Variants in CARD8 observed in about 807,000 individuals in gnomAD.
CARD8 encodes the protein caspase recruitment domain family member 8.
Under a neutral mutation model 53.2 loss-of-function variants are expected in CARD8, and 38 were observed. The observed-to-expected ratio is 0.71, with a 90% confidence interval of 0.55 to 0.94. The LOEUF (loss-of-function observed/expected upper bound fraction) is 0.94. CARD8 is among the 40% of genes least tolerant of loss of function. The pLI is 0.00. For missense variants in CARD8, 561 were observed against 655.5 expected (o/e 0.86, Z 1.57); for synonymous variants, 245 against 244.9 (o/e 1.00, Z 0.00).
intron 5 of CARD8, among the ~76,000 whole-genome samples, chr19:48,237,008 T>A (rs1232811700): frequency 6.6e-6 from 1 of 152,082 alleles, no homozygotes; most frequent in Non-Finnish European, 1.5e-5. Flanking sequence ...ACTCCCGACA[T>A]CAGGTGGTCC....
In CARD8 at chr19:48,209,404, T is replaced by G. The variant is rs927068164; in HGVS notation, c.*2306A>C. On this transcript the variant is annotated 3_prime_UTR_variant, in exon 14 of 14. Transcript: ENST00000651546. ...AACAAAATGGAAATTTTAGAACTGA[T>G]ACATACAGTGACCAAAATTTAAAAG... 2 of 152,096 alleles carry G rather than the reference T, an allele frequency of 1.3e-5. No individual in the cohort carries two copies. Among genetic ancestry groups the G allele is most frequent in the African/African-American group, 4.8e-5 (2 of 41,422 alleles). The allele number at this position is 152,096 out of a possible 1,614,324, so 9.4% of individuals were successfully genotyped here.
chr19:48,224,953 C>T (rs1568732705), intron 10 of CARD8, among the ~76,000 whole-genome samples: 1 of 151,576 alleles, frequency 6.6e-6, no homozygotes, highest in Non-Finnish European at 1.5e-5. Context: ...CGGGGTTTCA[C>T]CGTGTTAGCC....
intron 12 of CARD8, 104 bp downstream of exon 12, chr19:48,218,767 T>G (rs2039899591): frequency 7.9e-7 from 1 of 1,271,090 alleles, no homozygotes; most frequent in African/African-American, 1.5e-5. Flanking sequence ...ATTTCTTTTC[T>G]TCTCTGGGAA....
At chr19:48,243,591 T>A (rs1050732716) in intron 3 of CARD8, among the ~76,000 whole-genome samples, 31 of 152,356 alleles carry the variant, frequency 2.0e-4, no homozygotes, top group African/African-American at 7.5e-4. Flanking sequence ...TAACGAACAC[T>A]TTTCTTTTAC....
At chr19:48,230,729 C>G in intron 9 of CARD8, 29 bp from the exon 10 acceptor site, 2 of 1,612,684 alleles carry the variant, frequency 1.2e-6, no homozygotes, top group Non-Finnish European at 1.7e-6. Context: ...AGCAGTGAGA[C>G]GGCACGCACC....
At chr19:48,230,059 G>C (rs2042548948) in intron 10 of CARD8, among the ~76,000 whole-genome samples, 1 of 152,150 alleles carries the variant, frequency 6.6e-6, no homozygotes, top group South Asian at 2.1e-4. Context: ...GTTGCAGTGA[G>C]CCAAGATTGC....
chr19:48,232,618 T>G (rs1333169632), intron 6 of CARD8, 125 bp from the exon 7 acceptor site: 1 of 813,910 alleles, frequency 1.2e-6, no homozygotes, highest in Non-Finnish European at 2.0e-6. Flanking sequence ...TACCCGGATA[T>G]GCTATTTAAA....
In CARD8 at chr19:48,232,372, A is replaced by C; in HGVS notation, c.391+81T>G. 4 of 1,319,208 alleles carry C rather than the reference A, an allele frequency of 3.0e-6. No individual in the cohort carries two copies. The South Asian group carries it at 5.0e-5, about 17-fold the overall frequency. The allele number at this position is 1,319,208 out of a possible 1,614,324, so 81.7% of individuals were successfully genotyped here. ...ACTCCTGATCTGCACAAAAGACTCTAAATTGTCTTCTTCACATAAAATCAC... is the reference window on the plus strand; with the variant it reads ...ACTCCTGATCTGCACAAAAGACTCTCAATTGTCTTCTTCACATAAAATCAC... On this transcript the variant is annotated intron_variant, in intron 7 of 13. Transcript: ENST00000651546.
At chr19:48,206,799 G>T (rs914960507), downstream of CARD8, among the ~76,000 whole-genome samples, 1 of 151,966 alleles carries the variant, frequency 6.6e-6, no homozygotes, top group Admixed American at 6.6e-5. Context: ...TCAATTCTTT[G>T]TTCCACACAC....
Position 48,209,279 on chromosome 19 carries a change from G to A in CARD8, c.*2431C>T, listed in dbSNP as rs1401682441. On this transcript the variant is annotated 3_prime_UTR_variant, in exon 14 of 14. Transcript: ENST00000651546. ...CCACTGCACTCCAGCCTGGGTAACA[G>A]AGTTGAGACCCTGTCTTGAAAAAAA... 1 of 151,634 alleles carries A rather than the reference G, an allele frequency of 6.6e-6. No individual in the cohort carries two copies. The highest frequency in any genetic ancestry group is 1.9e-4 in the East Asian group (1 of 5,190). 9.4% of individuals were successfully genotyped at this position (151,634 alleles called of 1,614,324 possible).
In CARD8 at chr19:48,209,567, G is replaced by C. The variant is rs544514118; in HGVS notation, c.*2143C>G. 1 of 152,034 alleles carries C rather than the reference G, an allele frequency of 6.6e-6. No homozygotes were observed. Among genetic ancestry groups the C allele is most frequent in the African/African-American group, 2.4e-5 (1 of 41,380 alleles). 9.4% of individuals were successfully genotyped at this position (152,034 alleles called of 1,614,324 possible). ...ATGTTCTAAATAAGTAGAATATCAG[G>C]GACATTTAGGAAAACATAAAAGTCT... On this transcript the variant is annotated 3_prime_UTR_variant, in exon 14 of 14. Coordinates refer to ENST00000651546, the MANE Select transcript of CARD8 (RefSeq NM_001184900.3).
chr19:48,233,490 G>A (rs2043292564), intron 6 of CARD8: 6 of 444,834 alleles, frequency 1.3e-5, no homozygotes, highest in South Asian at 9.5e-5. Flanking sequence ...GAGACCCCTG[G>A]GCTGACATCC....
At position 48,215,403 on chromosome 19, in the gene CARD8, T is replaced by C. The variant is rs1348247587; in HGVS notation, c.1304-19A>G. On this transcript the variant is annotated intron_variant, in intron 12 of 13. Transcript: ENST00000651546. ...AGATCCACTACAAAAGAGGGAAAAATTATATGATGAGATGAGATAAATCAT... is the reference window on the plus strand; with the variant it reads ...AGATCCACTACAAAAGAGGGAAAAACTATATGATGAGATGAGATAAATCAT... 6.3e-7 allele frequency: 1 copy of C among 1,579,564 alleles called. No individual in the cohort carries two copies. The highest frequency in any genetic ancestry group is 8.7e-7 in the Non-Finnish European group (1 of 1,149,490).
At chr19:48,229,394 G>A (rs1008064066) in intron 10 of CARD8, among the ~76,000 whole-genome samples, 1 of 152,190 alleles carries the variant, frequency 6.6e-6, no homozygotes, top group African/African-American at 2.4e-5. Context: ...CAGAAGTTAT[G>A]CAAGAATTCA....
chr19:48,231,105 T>A (rs1363632894), intron 8 of CARD8, 99 bp from the exon 9 acceptor site: 1 of 914,704 alleles, frequency 1.1e-6, no homozygotes, highest in East Asian at 2.6e-5. Flanking sequence ...GAGGCAAGGT[T>A]CAGGACCCAT....
At chr19:48,206,145 G>A (rs1385312424), downstream of CARD8, among the ~76,000 whole-genome samples, 2 of 152,004 alleles carry the variant, frequency 1.3e-5, no homozygotes, top group African/African-American at 2.4e-5. Context: ...TGATCCACCC[G>A]CCTCAGCCTC....
At chr19:48,230,401 C>A in intron 10 of CARD8, 37 bp downstream of exon 10, 1 of 1,556,032 alleles carries the variant, frequency 6.4e-7, no homozygotes, top group Non-Finnish European at 8.7e-7. Context: ...GAAATATAAT[C>A]GTCATCTTCT....
At chr19:48,205,286 G>A (rs1371246822), downstream of CARD8, among the ~76,000 whole-genome samples, 5 of 152,198 alleles carry the variant, frequency 3.3e-5, no homozygotes, top group African/African-American at 1.2e-4. Context: ...CTGGAGTGCA[G>A]TGGCATGATC....
chr19:48,231,450 G>A (rs774827984), intron 8 of CARD8, among the ~76,000 whole-genome samples: 33 of 152,112 alleles, frequency 2.2e-4, no homozygotes, highest in Middle Eastern at 3.4e-3. Context: ...GACTACACGC[G>A]GGTGCCACCA....
Sources: allele counts gnomAD v4.1 joint callset (sites outside exome capture counted in the v4.1 genomes callset), GRCh38; gene constraint gnomAD v4.1.1; transcripts MANE v1.5; gene names NCBI Gene and HGNC (gene_info 2026-07-23, HGNC 2026-07-21).